Variants in BANP observed in about 807,000 individuals in gnomAD.
The protein encoded by BANP is protein BANP.
Under a neutral mutation model 68.1 loss-of-function variants are expected in BANP, and 11 were observed. The ratio of observed to expected loss-of-function variants is 0.16; its 90% CI spans 0.10 to 0.27. The LOEUF (loss-of-function observed/expected upper bound fraction) is 0.27, where lower values mean the gene tolerates loss of function less well. BANP is among the 10% of genes least tolerant of loss of function. The probability of loss-of-function intolerance (pLI) is 1.00; values close to 1 mark genes in which losing one functional copy is unlikely to be tolerated. For missense variants in BANP, 504 were observed against 722.7 expected, an observed-to-expected ratio of 0.70 and a Z score of 3.47; for synonymous variants, 329 against 303.2, an observed-to-expected ratio of 1.09 and a Z score of -0.88.
intron 8 of BANP, among the ~76,000 whole-genome samples, chr16:88,029,412 A>G (rs1307110115): frequency 6.6e-6 from 1 of 151,490 alleles, no homozygotes; most frequent in Non-Finnish European, 1.5e-5. Context: ...GATCGAGACC[A>G]TCCTGGCTAA....
intron 11 of BANP, among the ~76,000 whole-genome samples, chr16:88,054,227 C>G (rs1160968454): frequency 1.7e-5 from 2 of 119,644 alleles, no homozygotes; most frequent in East Asian, 4.1e-4. Context: ...ACCTCCTTCA[C>G]TATCATCACC....
chr16:88,023,988 C>G (rs1286226754), intron 7 of BANP, among the ~76,000 whole-genome samples: 2 of 152,192 alleles, frequency 1.3e-5, no homozygotes, highest in Non-Finnish European at 2.9e-5. Context: ...GGTGACGCCA[C>G]GCTGTGGGGA....
At position 88,057,511 on chromosome 16, in the gene BANP, A is replaced by G. The variant is rs2085386503; in HGVS notation, c.1312-7756A>G. ...ACCTCGTCAGAGTCAAGAAACGAGG[A>G]GTGAAAAACACCCCTCAGGTCGCTT... On this transcript the variant is annotated intron_variant, in intron 11 of 13. Coordinates refer to ENST00000682872, the MANE Select transcript of BANP (RefSeq NM_001386991.1). This position sits in a 1 kb window ranked among gnomAD's most constrained non-coding sequence, Gnocchi z 4.6. 6.6e-6 allele frequency among the ~76,000 whole-genome samples: 1 copy of G among 152,002 alleles called. No individual in the cohort carries two copies.
chr16:88,055,475 G>A (rs2084778560), intron 11 of BANP, among the ~76,000 whole-genome samples: 1 of 152,102 alleles, frequency 6.6e-6, no homozygotes, highest in African/African-American at 2.4e-5. Flanking sequence ...CCCATCTTTG[G>A]CATTTGTATT....
intron 12 of BANP, among the ~76,000 whole-genome samples, chr16:88,068,273 G>A (rs1402544116): frequency 6.6e-6 from 1 of 152,234 alleles, no homozygotes. Flanking sequence ...GTTTCCTGGC[G>A]GTCACCTGGT....
chr16:88,015,590 C>T (rs551256760), intron 6 of BANP, among the ~76,000 whole-genome samples: 7 of 152,358 alleles, frequency 4.6e-5, no homozygotes, highest in South Asian at 4.1e-4. Flanking sequence ...GGCTGCTTCC[C>T]GCTTCCCTGC....
chr16:88,012,245 G>A (rs1018337272), intron 6 of BANP, among the ~76,000 whole-genome samples: 15 of 152,240 alleles, frequency 9.9e-5, no homozygotes, highest in African/African-American at 3.6e-4. Flanking sequence ...TGAATTCTGT[G>A]TGGGTTTGCT....
chr16:88,060,404 TAGG>T (rs1316834249), intron 11 of BANP, among the ~76,000 whole-genome samples: 1 of 152,132 alleles, frequency 6.6e-6, no homozygotes, highest in Non-Finnish European at 1.5e-5. Flanking sequence ...CCATCACGAT[TAGG>T]AGGGAGATCA....
intron 13 of BANP, among the ~76,000 whole-genome samples, chr16:88,073,660 C>A (rs1190976887): frequency 6.6e-6 from 1 of 152,214 alleles, no homozygotes; most frequent in African/African-American, 2.4e-5. Flanking sequence ...GCCTCAGCCC[C>A]TGCCGAGGAC....
intron 11 of BANP, among the ~76,000 whole-genome samples, chr16:88,039,788 G>A (rs2080288397): frequency 7.0e-6 from 1 of 143,684 alleles, no homozygotes; most frequent in East Asian, 2.1e-4. Context: ...CTCTGAACAA[G>A]ACTCTGTTCT....
Position 88,071,732 on chromosome 16 carries a change from C to G in BANP, c.1378-337C>G. 1.8e-6 allele frequency: 1 copy of G among 544,746 alleles called. No individual in the cohort carries two copies. The highest frequency in any genetic ancestry group is 1.5e-5 in the South Asian group (1 of 65,278). 33.7% of individuals were successfully genotyped at this position (544,746 alleles called of 1,614,324 possible). A position where few individuals can be genotyped will look rare whatever the true frequency, so the allele number is the denominator to read the frequency against. ...CTTCATGGTTGCCACTGGGATTTTC[C>G]AGGAGGCTCTGTGGCATTTGCTGTT... On this transcript the variant is annotated intron_variant, in intron 12 of 13. Transcript: ENST00000682872. This position sits in a 1 kb window ranked among gnomAD's most constrained non-coding sequence, Gnocchi z 6.5.
chr16:87,968,101 G>A, intron 1 of BANP, among the ~76,000 whole-genome samples: 1 of 151,420 alleles, frequency 6.6e-6, no homozygotes, highest in East Asian at 1.9e-4. Context: ...TAAAGGTTCT[G>A]AAAGCAATCT....
chr16:88,027,242 A>C (rs1160808583), intron 7 of BANP, among the ~76,000 whole-genome samples: 1 of 152,142 alleles, frequency 6.6e-6, no homozygotes, highest in African/African-American at 2.4e-5. Context: ...AAGTAAATGG[A>C]AAGAGTGTGT....
chr16:88,033,113 G>T lies in BANP; in HGVS notation c.1068G>T (p.Pro356=). ...PNSSSYCPSE[P]MMSTPPPASE... ...TCACACCTGTTGCCCCCACAGAGCC[G>T]ATGATGAGCACCCCACCTCCTGCCA... Residue 356 remains proline, a synonymous_variant, in exon 9 of 14, where the codon CCG becomes CCT. Coordinates refer to ENST00000682872, the MANE Select transcript of BANP (RefSeq NM_001386991.1). The T allele has an allele frequency of 6.2e-7, 1 of 1,602,964 alleles. No homozygotes were observed. Among genetic ancestry groups the T allele is most frequent in the Non-Finnish European group, 8.5e-7 (1 of 1,172,120 alleles).
intron 1 of BANP, among the ~76,000 whole-genome samples, chr16:87,954,124 TC>T (rs1168633181): frequency 6.6e-6 from 1 of 152,116 alleles, no homozygotes; most frequent in Non-Finnish European, 1.5e-5. Context: ...TCTTAGGAGT[TC>T]CTGTTTGTGA....
chr16:88,002,259 G>T lies in BANP; in HGVS notation c.363-2036G>T, dbSNP rs2069619860. ...GGCTTCTTTGAGTTGTGTGCCAGGG[G>T]TCTCAGTGGTCTGTCCTCAGAAACT... is the stretch of plus-strand genomic sequence containing the variant. On this transcript the variant is annotated intron_variant, in intron 4 of 13. Coordinates refer to ENST00000682872, the MANE Select transcript of BANP (RefSeq NM_001386991.1). This position sits in a 1 kb window ranked among gnomAD's most constrained non-coding sequence, Gnocchi z 4.6. 6.6e-6 allele frequency among the ~76,000 whole-genome samples: 1 copy of T among 152,092 alleles called. No homozygotes were observed. Among genetic ancestry groups the T allele is most frequent in the African/African-American group, 2.4e-5 (1 of 41,410 alleles).
intron 11 of BANP, among the ~76,000 whole-genome samples, chr16:88,040,401 ATGT>A (rs1027864326): frequency 1.2e-4 from 18 of 152,052 alleles, no homozygotes; most frequent in African/African-American, 4.1e-4. Flanking sequence ...ACTCGCCTCG[ATGT>A]TGTCGACTGG....
chr16:88,048,716 C>T (rs952390736), intron 11 of BANP, among the ~76,000 whole-genome samples: 6 of 151,992 alleles, frequency 3.9e-5, no homozygotes, highest in African/African-American at 1.5e-4. Flanking sequence ...TCCATTCTAA[C>T]GGTGTTCTTG....
rs1340645730 is a variant in BANP, at chr16:88,064,473, G to A, written c.1312-794G>A. 6.6e-6 allele frequency among the ~76,000 whole-genome samples: 1 copy of A among 152,226 alleles called. No individual in the cohort carries two copies. Among genetic ancestry groups the A allele is most frequent in the Non-Finnish European group, 1.5e-5 (1 of 68,036 alleles). On this transcript the variant is annotated intron_variant, in intron 11 of 13. Transcript: ENST00000682872. The surrounding 1 kb of genome is among the most constrained non-coding windows in gnomAD (Gnocchi z 4.5). ...CAAGAAATGAGTGGGCCTTGAATGA[G>A]CAAAACAACCCACCTGCCTCCCACG... is the stretch of plus-strand genomic sequence containing the variant.
Sources: allele counts gnomAD v4.1 joint callset (sites outside exome capture counted in the v4.1 genomes callset), GRCh38; gene constraint gnomAD v4.1.1; non-coding constraint Gnocchi (gnomAD v3.1); transcripts MANE v1.5; gene names NCBI Gene and HGNC (gene_info 2026-07-23, HGNC 2026-07-21).